EPB41L1: variants seen among roughly 807,000 people sequenced by gnomAD.
EPB41L1 encodes band 4.1-like protein 1.
Under a neutral mutation model 97.8 loss-of-function variants are expected in EPB41L1, and 29 were observed. The observed-to-expected ratio is 0.30, with a 90% confidence interval of 0.22 to 0.40. The LOEUF is 0.40. EPB41L1 is among the 10% of genes least tolerant of loss of function. The pLI, the probability that EPB41L1 is intolerant of heterozygous loss-of-function variation, is 1.00. For missense variants in EPB41L1, 812 were observed against 1,162.3 expected (o/e 0.70, Z 4.38); for synonymous variants, 383 against 459.2 (o/e 0.83, Z 2.12).
intron 1 of EPB41L1, among the ~76,000 whole-genome samples, chr20:36,163,868 AT>A (rs59347466): frequency 5.9e-4 from 89 of 149,720 alleles, no homozygotes; most frequent in Admixed American, 5.0e-3. Flanking sequence ...CTTCTTTATT[AT>A]TTTTTTTTTA....
chr20:36,094,975 T>TC (rs1165764787), intron 1 of EPB41L1, among the ~76,000 whole-genome samples: 1 of 151,996 alleles, frequency 6.6e-6, no homozygotes, highest in African/African-American at 2.4e-5. Flanking sequence ...CTAATTTTTT[T>TC]TTTTTTCTTT....
intron 2 of EPB41L1, among the ~76,000 whole-genome samples, chr20:36,118,555 G>GA (rs1364780120): frequency 6.6e-6 from 1 of 152,142 alleles, no homozygotes; most frequent in Non-Finnish European, 1.5e-5. Context: ...TGGGATTCTG[G>GA]AATTAGTGAT....
At chr20:36,217,227 G>A (rs538124395) in intron 17 of EPB41L1, among the ~76,000 whole-genome samples, 1 of 152,324 alleles carries the variant, frequency 6.6e-6, no homozygotes, top group South Asian at 2.1e-4. Flanking sequence ...AAAATGTCTA[G>A]GACACAACTG....
intron 14 of EPB41L1, among the ~76,000 whole-genome samples, chr20:36,203,578 C>T (rs1244768035): frequency 6.6e-6 from 1 of 152,152 alleles, no homozygotes; most frequent in African/African-American, 2.4e-5. Flanking sequence ...CATTGCCAGG[C>T]GGATGTCAGT....
At chr20:36,191,996 C>T (rs574986280) in intron 11 of EPB41L1, among the ~76,000 whole-genome samples, 107 of 152,210 alleles carry the variant, frequency 7.0e-4, no homozygotes, top group African/African-American at 2.4e-3. Flanking sequence ...GAGGCCAAGG[C>T]GGGCAGATCA....
chr20:36,196,793 G>A lies in EPB41L1; in HGVS notation c.1486-1066G>A, dbSNP rs369620918. On this transcript the variant is annotated intron_variant, in intron 13 of 21. Transcript: ENST00000338074. ...TTTTTAAGCAGCCTTGCAGATAAGC[G>A]TCCTTGGGCTGCCAGCCACCACTTT... 2.0e-4 allele frequency among the ~76,000 whole-genome samples: 31 copies of A among 152,300 alleles called. No homozygotes were observed. The East Asian group carries it at 2.1e-3, about 10-fold the overall frequency.
chr20:36,222,419 C>A, intron 21 of EPB41L1, 25 bp downstream of exon 21: 1 of 1,575,758 alleles, frequency 6.3e-7, no homozygotes. Flanking sequence ...GCCCAGCAAC[C>A]ATGAGAGAGA....
chr20:36,217,444 G>C (rs540412500), intron 17 of EPB41L1, among the ~76,000 whole-genome samples: 15 of 152,160 alleles, frequency 9.9e-5, no homozygotes, highest in Admixed American at 8.5e-4. Context: ...GGCAGGTGAC[G>C]GGACTGGCCA....
At chr20:36,135,385 GA>G (rs2059380693) in intron 2 of EPB41L1, among the ~76,000 whole-genome samples, 1 of 152,318 alleles carries the variant, frequency 6.6e-6, no homozygotes, top group South Asian at 2.1e-4. Context: ...TGGCCTTAGG[GA>G]CTGATACCAC....
chr20:36,150,690 G>C (rs1337510144), upstream of EPB41L1: 1 of 152,192 alleles, frequency 6.6e-6, no homozygotes, highest in African/African-American at 2.4e-5. Flanking sequence ...TTGCTTTGAG[G>C]ATTAAACAAA....
chr20:36,167,726 TAATAATAAC>T (rs1389836917), intron 1 of EPB41L1, among the ~76,000 whole-genome samples: 1 of 150,704 alleles, frequency 6.6e-6, no homozygotes, highest in Non-Finnish European at 1.5e-5. Flanking sequence ...TTAATAATAA[TAATAATAAC>T]AATAATAATA....
intron 5 of EPB41L1, among the ~76,000 whole-genome samples, chr20:36,179,661 G>A (rs1324546704): frequency 6.6e-6 from 1 of 152,206 alleles, no homozygotes; most frequent in Non-Finnish European, 1.5e-5. Context: ...CTCCACCCAG[G>A]GCCCCTCCCC....
At chr20:36,138,921 T>C (rs940541644) in intron 2 of EPB41L1, among the ~76,000 whole-genome samples, 2 of 143,064 alleles carry the variant, frequency 1.4e-5, no homozygotes. Context: ...GTTCACTCTC[T>C]CTGGAAACTT....
At chr20:36,205,843 A>G in intron 14 of EPB41L1, 1 of 1,278,068 alleles carries the variant, frequency 7.8e-7, no homozygotes, top group South Asian at 1.2e-5. Flanking sequence ...TCCAATTGAA[A>G]CACAGGGTTC....
intron 1 of EPB41L1, among the ~76,000 whole-genome samples, chr20:36,168,565 T>G (rs2060837177): frequency 6.6e-6 from 1 of 151,478 alleles, no homozygotes; most frequent in African/African-American, 2.4e-5. Context: ...GGAGTCTTCC[T>G]CTGTTGACAG....
intron 1 of EPB41L1, among the ~76,000 whole-genome samples, chr20:36,171,961 T>A (rs1378190903): frequency 6.6e-6 from 1 of 152,252 alleles, no homozygotes; most frequent in Non-Finnish European, 1.5e-5. Flanking sequence ...TTCAAAGCTT[T>A]TTTTTGAGGA....
intron 2 of EPB41L1, among the ~76,000 whole-genome samples, chr20:36,127,141 G>C (rs551051193): frequency 6.6e-6 from 1 of 152,332 alleles, no homozygotes; most frequent in South Asian, 2.1e-4. Context: ...CCTCCCATCT[G>C]AGATGAGCTC....
intron 1 of EPB41L1, among the ~76,000 whole-genome samples, chr20:36,157,848 C>T (rs1209065315): frequency 1.3e-5 from 2 of 152,138 alleles, no homozygotes; most frequent in African/African-American, 4.8e-5. Context: ...GGGGACTGGG[C>T]TAAGGAGGCC....
chr20:36,130,733 A>G (rs563450251), intron 2 of EPB41L1, among the ~76,000 whole-genome samples: 124 of 151,630 alleles, frequency 8.2e-4, no homozygotes, highest in Non-Finnish European at 8.8e-5. Context: ...TCCAGGGTGA[A>G]TGGCAGGAAC....
Sources: gnomAD v4.1 joint callset for allele counts (sites outside exome capture counted in the v4.1 genomes callset) on GRCh38, gnomAD v4.1.1 for gene constraint, MANE v1.5 for transcripts, NCBI Gene and HGNC (gene_info 2026-07-23, HGNC 2026-07-21) for gene names.